The following DNAJB6 variants were observed in gnomAD, a reference collection of about 807,000 sequenced individuals.
DNAJB6 encodes the protein DnaJ heat shock protein family (Hsp40) member B6.
DNAJB6 carries 16 observed loss-of-function variants against 42.7 expected under a neutral mutation model. That is an observed-to-expected ratio of 0.37 (90% CI 0.25 to 0.57). The LOEUF (loss-of-function observed/expected upper bound fraction) is 0.57, where lower values mean the gene tolerates loss of function less well. Ranked by LOEUF, DNAJB6 falls within the 20% of genes least tolerant of loss-of-function variation. The probability of loss-of-function intolerance (pLI) is 0.74; values close to 1 mark genes in which losing one functional copy is unlikely to be tolerated. For missense variants in DNAJB6, 347 were observed against 416.8 expected, an observed-to-expected ratio of 0.83 and a Z score of 1.46; for synonymous variants, 170 against 163.5, an observed-to-expected ratio of 1.04 and a Z score of -0.30.
At chr7:157,381,745 CGTGTGTGTGTGTGTGT>C (rs3839841) in intron 5 of DNAJB6, 2 of 148,726 alleles carry the variant, frequency 1.3e-5, no homozygotes, top group Admixed American at 6.7e-5. Flanking sequence ...CACCATTCCT[CGTGTGTGTGTGTGTGT>C]GTGTGTGTGT....
chr7:157,391,280 C>A (rs558977772), intron 8 of DNAJB6, among the ~76,000 whole-genome samples: 1 of 152,372 alleles, frequency 6.6e-6, no homozygotes, highest in Admixed American at 6.5e-5. Context: ...AAATTGAGAA[C>A]TTTGCTGCTC....
chr7:157,363,777 G>GC (rs1799720727), intron 3 of DNAJB6, among the ~76,000 whole-genome samples: 1 of 152,180 alleles, frequency 6.6e-6, no homozygotes, highest in Admixed American at 6.6e-5. Flanking sequence ...TAGGTCTGGA[G>GC]CAGAGGTGTT....
intron 1 of DNAJB6, among the ~76,000 whole-genome samples, chr7:157,350,017 T>C (rs1798886193): frequency 6.6e-6 from 1 of 152,160 alleles, no homozygotes; most frequent in Non-Finnish European, 1.5e-5. Context: ...TTGAGCTCCT[T>C]AGCTCAAGCG....
chr7:157,342,588 T>C (rs374646278), intron 1 of DNAJB6, among the ~76,000 whole-genome samples: 43 of 152,098 alleles, frequency 2.8e-4, no homozygotes, highest in East Asian at 2.1e-3. Flanking sequence ...TCCCAAAGTG[T>C]TGGGATTACA....
intron 1 of DNAJB6, among the ~76,000 whole-genome samples, chr7:157,355,892 C>T (rs1799248904): frequency 6.6e-6 from 1 of 152,212 alleles, no homozygotes; most frequent in African/African-American, 2.4e-5. Context: ...TGAAGTAAAT[C>T]ACAGCATTCC....
At chr7:157,362,819 A>G (rs1265428514) in intron 2 of DNAJB6, among the ~76,000 whole-genome samples, 3 of 152,066 alleles carry the variant, frequency 2.0e-5, no homozygotes, top group African/African-American at 7.2e-5. Context: ...TATTTTTACA[A>G]TTTTAATTTT....
At chr7:157,339,563 T>G (rs909696851) in intron 1 of DNAJB6, among the ~76,000 whole-genome samples, 15 of 151,762 alleles carry the variant, frequency 9.9e-5, no homozygotes, top group East Asian at 3.9e-4. Context: ...CCTCCCAAAG[T>G]GCTGGGATTA....
At chr7:157,390,679 G>A (rs889800813) in intron 8 of DNAJB6, among the ~76,000 whole-genome samples, 3 of 152,186 alleles carry the variant, frequency 2.0e-5, no homozygotes, top group Non-Finnish European at 4.4e-5. Flanking sequence ...TGTGCTGCGA[G>A]CTCTGAGAGG....
chr7:157,382,013 T>C (rs1230596465), intron 5 of DNAJB6: 5 of 362,752 alleles, frequency 1.4e-5, no homozygotes. Flanking sequence ...TAATTAAGTC[T>C]GGTAATTTAT....
chr7:157,370,858 G>C (rs1000384555), intron 5 of DNAJB6: 1 of 152,646 alleles, frequency 6.6e-6, no homozygotes, highest in African/African-American at 2.4e-5. Context: ...TCACTGAGCA[G>C]CCTGCTGACG....
chr7:157,377,911 C>G (rs1198055398), intron 5 of DNAJB6, among the ~76,000 whole-genome samples: 1 of 152,208 alleles, frequency 6.6e-6, no homozygotes, highest in Non-Finnish European at 1.5e-5. Context: ...CACTATCCCA[C>G]AGACAACCAA....
At chr7:157,367,916 A>G (rs1038824903) in intron 5 of DNAJB6, among the ~76,000 whole-genome samples, 2 of 152,086 alleles carry the variant, frequency 1.3e-5, no homozygotes, top group Admixed American at 6.6e-5. Flanking sequence ...TTAAAGCAGC[A>G]TTGGACTAGC....
intron 1 of DNAJB6, among the ~76,000 whole-genome samples, chr7:157,344,449 G>A (rs984689250): frequency 6.6e-6 from 1 of 151,604 alleles, no homozygotes; most frequent in African/African-American, 2.4e-5. Flanking sequence ...GGAGGTGGAG[G>A]TTGCAGTGAG....
chr7:157,350,186 T>C (rs560790194), intron 1 of DNAJB6, among the ~76,000 whole-genome samples: 1 of 152,314 alleles, frequency 6.6e-6, no homozygotes, highest in South Asian at 2.1e-4. Flanking sequence ...GCAATTGGAC[T>C]GTCCCTGGAG....
At chr7:157,345,330 G>C (rs1798627338) in intron 1 of DNAJB6, among the ~76,000 whole-genome samples, 1 of 151,870 alleles carries the variant, frequency 6.6e-6, no homozygotes, top group Non-Finnish European at 1.5e-5. Flanking sequence ...GTTTTTTTCT[G>C]AGACAGGGCC....
At chr7:157,384,816 T>C (rs371990681) in intron 6 of DNAJB6, 51 bp from the exon 7 acceptor site, 1 of 1,566,000 alleles carries the variant, frequency 6.4e-7, no homozygotes, top group Non-Finnish European at 8.7e-7. Flanking sequence ...TGTCTTTGCA[T>C]TACTAGTTGA....
At position 157,350,796 on chromosome 7, in the gene DNAJB6, T is replaced by TCCCCTGCCTCAGC. The variant is rs1798931649; in HGVS notation, c.-26-7750_-26-7749insCCCTGCCTCAGCC. On this transcript the variant is annotated intron_variant, in intron 1 of 9. Transcript: ENST00000262177. ...CCACCACCTCCCAGGTTCAAGTGAG[T>TCCCCTGCCTCAGC]CTCCTGCCTCAGCCTCCCGAGTCTT... 6.6e-5 allele frequency among the ~76,000 whole-genome samples: 10 copies of TCCCCTGCCTCAGC among 151,562 alleles called. No homozygotes were observed. The South Asian group carries it at 1.9e-3, about 29-fold the overall frequency.
rs150709673 is a variant in DNAJB6, at chr7:157,382,328, G to A, written c.429G>A (p.Ala143=). 2.4e-5 allele frequency: 38 copies of A among 1,611,730 alleles called. No homozygotes were observed. The South Asian group carries it at 2.5e-4, about 11-fold the overall frequency. Reference sequence around the variant, plus strand: ...GAGGGACGGGGTCGTTTTTCTCTGCGTTCAGTGGATTTCCGTCTTTTGGAA... The same window carrying A: ...GAGGGACGGGGTCGTTTTTCTCTGCATTCAGTGGATTTCCGTCTTTTGGAA... ...RSRGTGSFFS[A]FSGFPSFGSG... The change falls in exon 6 of 10, where the codon GCG becomes GCA. Residue 143 remains alanine, a synonymous_variant. Coordinates refer to ENST00000262177, the MANE Select transcript of DNAJB6 (RefSeq NM_058246.4).
intron 2 of DNAJB6, among the ~76,000 whole-genome samples, chr7:157,360,027 A>G (rs998144971): frequency 6.6e-6 from 1 of 152,220 alleles, no homozygotes; most frequent in Admixed American, 6.5e-5. Context: ...AGCCAGGCAT[A>G]CTTGACAGAT....
Sources: gnomAD v4.1 joint callset for allele counts (sites outside exome capture counted in the v4.1 genomes callset) on GRCh38, gnomAD v4.1.1 for gene constraint, MANE v1.5 for transcripts, NCBI Gene and HGNC (gene_info 2026-07-23, HGNC 2026-07-21) for gene names.